The following SPAG16 variants were observed in gnomAD, a reference collection of about 807,000 sequenced individuals.
The protein encoded by SPAG16 is sperm associated antigen 16, also known as sperm-associated antigen 16 protein.
SPAG16 carries 86 observed loss-of-function variants against 80.4 expected under a neutral mutation model. The observed-to-expected ratio is 1.07, with a 90% CI of 0.90 to 1.28. The LOEUF (loss-of-function observed/expected upper bound fraction) is 1.28, where lower values mean the gene tolerates loss of function less well. SPAG16 is among the 50% of genes most tolerant of loss of function. The pLI, the probability that SPAG16 is intolerant of heterozygous loss-of-function variation, is 0.00. For missense variants in SPAG16, 870 were observed against 765.3 expected, an observed-to-expected ratio of 1.14 and a Z score of -1.61; for synonymous variants, 294 against 265.9, an observed-to-expected ratio of 1.11 and a Z score of -1.03.
chr2:214,361,308 A>G (rs1228897690), intron 15 of SPAG16, among the ~76,000 whole-genome samples: 1 of 151,816 alleles, frequency 6.6e-6, no homozygotes, highest in Non-Finnish European at 1.5e-5. Context: ...GATTTGCTTC[A>G]ATCTTCTTAT....
intron 12 of SPAG16, among the ~76,000 whole-genome samples, chr2:214,000,714 A>C (rs1344878022): frequency 6.6e-6 from 1 of 152,200 alleles, no homozygotes; most frequent in East Asian, 1.9e-4. Flanking sequence ...GGAAATAAAC[A>C]GGATAATGTG....
At chr2:214,262,749 C>A (rs1489894317) in intron 15 of SPAG16, among the ~76,000 whole-genome samples, 2 of 151,992 alleles carry the variant, frequency 1.3e-5, no homozygotes, top group African/African-American at 4.8e-5. Context: ...AATGAAATAA[C>A]CGCAAATACC....
intron 12 of SPAG16, among the ~76,000 whole-genome samples, chr2:213,950,863 C>A (rs1475708702): frequency 6.6e-6 from 1 of 151,788 alleles, no homozygotes; most frequent in African/African-American, 2.4e-5. Flanking sequence ...CTTGTGCCAA[C>A]ATGCCCTGCT....
chr2:213,970,569 T>C (rs2044987991), intron 12 of SPAG16, among the ~76,000 whole-genome samples: 1 of 152,172 alleles, frequency 6.6e-6, no homozygotes, highest in Non-Finnish European at 1.5e-5. Flanking sequence ...CCCAAAGCAC[T>C]GGTTTACAGG....
rs34244219 is a variant in SPAG16 at position 214,059,222 on chromosome 2, GTATATA to G, written c.1527+45159_1527+45164del. On this transcript the variant is annotated intron_variant, in intron 13 of 15. Transcript: ENST00000331683. ...TATATATATATATATATATGTATGTGTATATATATATATATATATGTATGTATATAT... is the reference window on the plus strand; with the variant it reads ...TATATATATATATATATATGTATGTGTATATATATATATGTATGTATATAT... Among the ~76,000 whole-genome samples the G allele has an allele frequency of 3.9e-3, 478 of 121,458 alleles. 9 individuals are homozygous for G. The highest frequency in any genetic ancestry group is 0.018 in the Middle Eastern group (4 of 218). The allele number at this position is 121,458 out of a possible 152,430, so 79.7% of individuals were successfully genotyped here.
chr2:214,333,246 G>A (rs1173598997), intron 15 of SPAG16, among the ~76,000 whole-genome samples: 1 of 152,136 alleles, frequency 6.6e-6, no homozygotes, highest in Non-Finnish European at 1.5e-5. Flanking sequence ...TCAGCTTCTC[G>A]ATTATATATG....
chr2:213,550,554 AAT>A (rs1317554302), intron 10 of SPAG16, among the ~76,000 whole-genome samples: 1 of 152,114 alleles, frequency 6.6e-6, no homozygotes, highest in Non-Finnish European at 1.5e-5. Flanking sequence ...CTCATGGAAG[AAT>A]ATGTCATGGC....
chr2:214,358,245 C>T (rs1170261202), intron 15 of SPAG16, among the ~76,000 whole-genome samples: 1 of 151,830 alleles, frequency 6.6e-6, no homozygotes, highest in Non-Finnish European at 1.5e-5. Context: ...CATCTCTGAT[C>T]CGACCCTTGC....
intron 14 of SPAG16, among the ~76,000 whole-genome samples, chr2:214,142,939 A>G (rs1300608801): frequency 2.6e-5 from 4 of 152,086 alleles, no homozygotes; most frequent in South Asian, 2.1e-4. Flanking sequence ...CCCAGAGCCT[A>G]TGTTTTCATC....
At chr2:214,050,224 C>A (rs1411067449) in intron 13 of SPAG16, among the ~76,000 whole-genome samples, 1 of 151,746 alleles carries the variant, frequency 6.6e-6, no homozygotes. Context: ...AAGTCTAGCC[C>A]AACTATTCTT....
At chr2:213,953,058 A>C (rs1381144642) in intron 12 of SPAG16, among the ~76,000 whole-genome samples, 1 of 151,854 alleles carries the variant, frequency 6.6e-6, no homozygotes, top group Non-Finnish European at 1.5e-5. Context: ...TCATGAAAAA[A>C]GTGAGAAATA....
chr2:213,930,177 T>C (rs1337173768), intron 12 of SPAG16, 32 bp downstream of exon 12: 1 of 1,552,034 alleles, frequency 6.4e-7, no homozygotes, highest in Non-Finnish European at 8.8e-7. Context: ...ACTAATCCTC[T>C]GTGCTGATAC....
intron 15 of SPAG16, among the ~76,000 whole-genome samples, chr2:214,373,697 G>A (rs974588265): frequency 2.0e-5 from 3 of 152,138 alleles, no homozygotes; most frequent in Admixed American, 1.3e-4. Flanking sequence ...GGAAGGAGAG[G>A]CCTTCTTTAA....
intron 10 of SPAG16, among the ~76,000 whole-genome samples, chr2:213,536,967 G>A (rs2076272475): frequency 6.6e-6 from 1 of 151,954 alleles, no homozygotes; most frequent in Non-Finnish European, 1.5e-5. Context: ...TATACACCAT[G>A]GAATACTATG....
intron 10 of SPAG16, among the ~76,000 whole-genome samples, chr2:213,621,462 A>T (rs189085872): frequency 6.6e-6 from 1 of 152,336 alleles, no homozygotes; most frequent in African/African-American, 2.4e-5. Flanking sequence ...GACAAACTTC[A>T]TGATGGAGTG....
intron 14 of SPAG16, among the ~76,000 whole-genome samples, chr2:214,125,251 A>G (rs770939863): frequency 3.3e-5 from 5 of 151,668 alleles, no homozygotes; most frequent in Non-Finnish European, 7.4e-5. Context: ...GGCTGCAGTC[A>G]TTTAAAATGT....
intron 15 of SPAG16, chr2:214,281,139 C>G (rs1390082745): frequency 1.6e-5 from 6 of 377,380 alleles, no homozygotes; most frequent in Non-Finnish European, 3.1e-5. Context: ...TATTGAGAAG[C>G]CTGTGGTCCA....
chr2:214,380,033 T>C (rs1364096549), intron 15 of SPAG16, among the ~76,000 whole-genome samples: 1 of 152,186 alleles, frequency 6.6e-6, no homozygotes, highest in Non-Finnish European at 1.5e-5. Context: ...CACTGCATTC[T>C]TAGTTCCAGA....
intron 10 of SPAG16, among the ~76,000 whole-genome samples, chr2:213,799,169 C>T (rs1049998527): frequency 3.9e-5 from 6 of 152,066 alleles, no homozygotes; most frequent in African/African-American, 1.4e-4. Flanking sequence ...TAGAGTATTG[C>T]CATCTTAACA....
Sources: gnomAD v4.1 joint callset for allele counts (sites outside exome capture counted in the v4.1 genomes callset) on GRCh38, gnomAD v4.1.1 for gene constraint, MANE v1.5 for transcripts, NCBI Gene and HGNC (gene_info 2026-07-23, HGNC 2026-07-21) for gene names.